The following PDE4B variants were observed in gnomAD, a reference collection of about 807,000 sequenced individuals.
PDE4B encodes phosphodiesterase 4B.
Under a neutral mutation model 82.2 loss-of-function variants are expected in PDE4B, and 20 were observed. The observed-to-expected ratio is 0.24, with a 90% confidence interval of 0.17 to 0.35. The LOEUF (loss-of-function observed/expected upper bound fraction) is 0.35. Among genes scored for constraint, PDE4B ranks in the 10% least tolerant of loss-of-function variants. The pLI is 1.00. For missense variants in PDE4B, 655 were observed against 907.2 expected, an observed-to-expected ratio of 0.72 and a Z score of 3.57; for synonymous variants, 320 against 318.9, an observed-to-expected ratio of 1.00 and a Z score of -0.04.
chr1:66,124,785 A>G (rs151083336), intron 3 of PDE4B, among the ~76,000 whole-genome samples: 26 of 152,236 alleles, frequency 1.7e-4, no homozygotes, highest in Non-Finnish European at 3.5e-4. Context: ...TCTGGGTGCA[A>G]TTTACGTTCT....
intron 1 of PDE4B, among the ~76,000 whole-genome samples, chr1:65,831,922 A>T (rs909631126): frequency 6.6e-6 from 1 of 152,180 alleles, no homozygotes; most frequent in Non-Finnish European, 1.5e-5. Flanking sequence ...ATGTTAGAAC[A>T]TATATCGGGC....
intron 3 of PDE4B, among the ~76,000 whole-genome samples, chr1:66,186,167 AG>A (rs1647204382): frequency 6.6e-6 from 1 of 152,148 alleles, no homozygotes; most frequent in Non-Finnish European, 1.5e-5. Flanking sequence ...ATTATTTCTG[AG>A]GGCTCTTTCT....
At position 66,257,626 on chromosome 1, in the gene PDE4B, CT is replaced by C. The variant is rs770844336; in HGVS notation, c.477-14del. 4 of 1,608,730 alleles carry C rather than the reference CT, an allele frequency of 2.5e-6. No individual in the cohort carries two copies. The highest frequency in any genetic ancestry group is 1.7e-5 in the Admixed American group (1 of 59,866). On this transcript the variant is annotated intron_variant, in intron 4 of 16. Transcript: ENST00000341517. ...TAATTCAAGTAAATTTCTAAAGGTT[CT>C]TTTTTTCTCTTTTCACCAGACACGG...
At chr1:66,048,688 G>T (rs1654852425) in intron 3 of PDE4B, 1 of 151,898 alleles carries the variant, frequency 6.6e-6, no homozygotes, top group African/African-American at 2.4e-5. Context: ...GAGCAGTGGA[G>T]ATGCTGGAAT....
intron 3 of PDE4B, among the ~76,000 whole-genome samples, chr1:66,012,048 A>T (rs953168230): frequency 1.3e-5 from 2 of 152,174 alleles, no homozygotes; most frequent in African/African-American, 4.8e-5. Flanking sequence ...AATGAAAAAT[A>T]TCAAGAATTA....
At chr1:65,929,250 A>G (rs1019997451) in intron 3 of PDE4B, among the ~76,000 whole-genome samples, 3 of 152,170 alleles carry the variant, frequency 2.0e-5, no homozygotes, top group African/African-American at 7.2e-5. Context: ...TTATCTCTTC[A>G]GACAAAGGTA....
chr1:66,314,031 T>C (rs935265842), intron 7 of PDE4B, among the ~76,000 whole-genome samples: 2 of 152,184 alleles, frequency 1.3e-5, no homozygotes, highest in Non-Finnish European at 2.9e-5. Flanking sequence ...TTTGTGACAA[T>C]TTTGGACACA....
At chr1:66,254,745 T>C (rs1278878720) in intron 4 of PDE4B, among the ~76,000 whole-genome samples, 2 of 152,218 alleles carry the variant, frequency 1.3e-5, no homozygotes, top group Non-Finnish European at 2.9e-5. Flanking sequence ...TTATATTTCT[T>C]TATGACCCCT....
chr1:65,828,494 C>T (rs1646044631), intron 1 of PDE4B, among the ~76,000 whole-genome samples: 1 of 152,110 alleles, frequency 6.6e-6, no homozygotes. Flanking sequence ...GATCCGTCTG[C>T]CTTGGCCTCT....
chr1:66,174,419 A>T (rs535894384), intron 3 of PDE4B, among the ~76,000 whole-genome samples: 1 of 152,320 alleles, frequency 6.6e-6, no homozygotes, highest in African/African-American at 2.4e-5. Flanking sequence ...GGCTTAACCT[A>T]AAACAGTGTT....
chr1:66,146,698 C>G (rs1646280536), intron 3 of PDE4B, among the ~76,000 whole-genome samples: 1 of 152,118 alleles, frequency 6.6e-6, no homozygotes, highest in Non-Finnish European at 1.5e-5. Context: ...TTTCAAGCAT[C>G]ACACTGTTTG....
intron 1 of PDE4B, among the ~76,000 whole-genome samples, chr1:65,806,706 G>T (rs1490418933): frequency 1.3e-5 from 2 of 152,176 alleles, no homozygotes; most frequent in Non-Finnish European, 2.9e-5. Context: ...TGTTAAACAT[G>T]CTTGATTCCC....
At chr1:66,317,046 G>A (rs1368343546) in intron 7 of PDE4B, among the ~76,000 whole-genome samples, 1 of 152,172 alleles carries the variant, frequency 6.6e-6, no homozygotes, top group Non-Finnish European at 1.5e-5. Context: ...ACTGTGTGGA[G>A]TTGGGTTGCC....
rs72931353 is a variant in PDE4B, at chr1:65,793,103, C to T, written c.-216C>T. 6.6e-6 allele frequency: 1 copy of T among 151,992 alleles called. No homozygotes were observed. The highest frequency in any genetic ancestry group is 2.4e-5 in the African/African-American group (1 of 41,378). The allele number at this position is 151,992 out of a possible 1,614,324, so 9.4% of individuals were successfully genotyped here. On this transcript the variant is annotated 5_prime_UTR_variant, in exon 1 of 17. Transcript: ENST00000341517. ...GCCCTCCGGGCAGACTTTCGTCCCC[C>T]ACCCCCGGGAGCGCGGAAGGCTCAC...
At chr1:66,153,762 A>G (rs1646448864) in intron 3 of PDE4B, among the ~76,000 whole-genome samples, 1 of 152,078 alleles carries the variant, frequency 6.6e-6, no homozygotes, top group African/African-American at 2.4e-5. Flanking sequence ...GTATCTCCTT[A>G]CCTCAATACT....
chr1:66,141,889 C>A (rs369497098), intron 3 of PDE4B, among the ~76,000 whole-genome samples: 1 of 152,048 alleles, frequency 6.6e-6, no homozygotes, highest in East Asian at 1.9e-4. Context: ...ACAACATAGG[C>A]ATTAGGGGTG....
intron 3 of PDE4B, among the ~76,000 whole-genome samples, chr1:66,031,522 T>G (rs567757996): frequency 8.5e-5 from 13 of 152,322 alleles, no homozygotes; most frequent in Non-Finnish European, 1.5e-5. Flanking sequence ...TGGGTTTGGG[T>G]TTTTTCCCTA....
intron 3 of PDE4B, among the ~76,000 whole-genome samples, chr1:65,928,325 C>T (rs1202688842): frequency 6.6e-6 from 1 of 152,170 alleles, no homozygotes; most frequent in Admixed American, 6.5e-5. Flanking sequence ...AAGTTTTCTG[C>T]TAGTATAAAT....
intron 3 of PDE4B, among the ~76,000 whole-genome samples, chr1:66,036,137 T>G (rs1457344314): frequency 1.3e-5 from 2 of 152,206 alleles, no homozygotes; most frequent in Admixed American, 1.3e-4. Context: ...TTTTGAGAAA[T>G]GTTTATTCAA....
Sources: allele counts gnomAD v4.1 joint callset (sites outside exome capture counted in the v4.1 genomes callset), GRCh38; gene constraint gnomAD v4.1.1; transcripts MANE v1.5; gene names NCBI Gene and HGNC (gene_info 2026-07-23, HGNC 2026-07-21).